The following FIBCD1 variants were observed in gnomAD, a reference collection of about 807,000 sequenced individuals.
FIBCD1 encodes fibrinogen C domain-containing protein 1.
Under a neutral mutation model 45.1 loss-of-function variants are expected in FIBCD1, and 47 were observed. The observed-to-expected ratio is 1.04, with a 90% CI of 0.82 to 1.33. The LOEUF is 1.33. FIBCD1 is among the 40% of genes most tolerant of loss of function. The pLI, the probability that FIBCD1 is intolerant of heterozygous loss-of-function variation, is 0.00. For synonymous variants in FIBCD1, 313 were observed against 308.1 expected (o/e 1.02, Z -0.17); for missense variants, 653 against 682.2 (o/e 0.96, Z 0.48).
At chr9:130,934,843 C>A (rs1475917693) in intron 1 of FIBCD1, among the ~76,000 whole-genome samples, 1 of 152,192 alleles carries the variant, frequency 6.6e-6, no homozygotes, top group Non-Finnish European at 1.5e-5. Flanking sequence ...CATTCTACCT[C>A]CTCAGCCACA....
At chr9:130,912,778 G>A (rs1334702829) in intron 4 of FIBCD1, among the ~76,000 whole-genome samples, 1 of 151,058 alleles carries the variant, frequency 6.6e-6, no homozygotes, top group Non-Finnish European at 1.5e-5. Flanking sequence ...TTTGCTCTGG[G>A]CTTCGGTTTC....
intron 4 of FIBCD1, among the ~76,000 whole-genome samples, chr9:130,912,303 G>A (rs756316154): frequency 1.7e-4 from 26 of 151,646 alleles, no homozygotes; most frequent in Non-Finnish European, 3.4e-4. Context: ...CTACTTGAGA[G>A]GCTGAGGCAG....
At chr9:130,913,553 C>CT (rs1832105228) in intron 4 of FIBCD1, among the ~76,000 whole-genome samples, 1 of 152,234 alleles carries the variant, frequency 6.6e-6, no homozygotes, top group African/African-American at 2.4e-5. Flanking sequence ...GAGATGACAC[C>CT]TCCTTTTTCG....
intron 1 of FIBCD1, among the ~76,000 whole-genome samples, chr9:130,933,039 C>T (rs909940504): frequency 5.3e-5 from 8 of 152,214 alleles, no homozygotes; most frequent in African/African-American, 1.7e-4. Context: ...CTTGCACCCT[C>T]CTCCCACCCA....
At chr9:130,911,704 C>A in intron 5 of FIBCD1, 88 bp downstream of exon 5, 2 of 1,245,622 alleles carry the variant, frequency 1.6e-6, no homozygotes, top group South Asian at 1.3e-5. Flanking sequence ...CCAGCCCAAA[C>A]CCATTCAGGG....
At chr9:130,916,848 A>T (rs935360405) in intron 4 of FIBCD1, among the ~76,000 whole-genome samples, 3 of 152,274 alleles carry the variant, frequency 2.0e-5, no homozygotes, top group South Asian at 2.1e-4. Flanking sequence ...CTGTAATCCC[A>T]GCACTTTGGG....
chr9:130,908,982 A>C (rs1366345891), intron 5 of FIBCD1, among the ~76,000 whole-genome samples: 3 of 151,852 alleles, frequency 2.0e-5, no homozygotes, highest in Non-Finnish European at 4.4e-5. Flanking sequence ...GTGTCACTGA[A>C]CATCCTTACA....
chr9:130,930,970 G>A (rs1292851548), intron 1 of FIBCD1, among the ~76,000 whole-genome samples: 7 of 152,096 alleles, frequency 4.6e-5, no homozygotes, highest in Non-Finnish European at 1.5e-5. Flanking sequence ...GCCACATCCC[G>A]TGTTCTGTCC....
At chr9:130,921,540 G>A (rs1045217125) in intron 4 of FIBCD1, among the ~76,000 whole-genome samples, 7 of 152,206 alleles carry the variant, frequency 4.6e-5, no homozygotes, top group Admixed American at 1.3e-4. Context: ...TTTCCTCATC[G>A]ACTCCCCTCT....
rs764214748 is a variant in FIBCD1 at position 130,904,301 on chromosome 9, G to T, written c.1149C>A (p.Ser383Arg). ...GGTCCTTGGTGGTGAACCTCATGCC[G>T]CTGTGCTTCAGGAGGGAGTCGCCTG... ...GTAGDSLLKH[S>R]GMRFTTKDRD... The change falls in exon 7 of 7, where the codon AGC becomes AGA. Residue 383 changes from serine to arginine, a missense_variant. Physicochemically the swap from Ser to Arg is moderately radical, Grantham distance 110. Coordinates refer to ENST00000372338, the MANE Select transcript of FIBCD1 (RefSeq NM_032843.5). The T allele has an allele frequency of 6.2e-7, 1 of 1,609,612 alleles. No individual in the cohort carries two copies. The highest frequency in any genetic ancestry group is 8.5e-7 in the Non-Finnish European group (1 of 1,176,972).
At position 130,903,694 on chromosome 9, in the gene FIBCD1, A is replaced by T. The variant is rs1002481364; in HGVS notation, c.*370T>A. On this transcript the variant is annotated 3_prime_UTR_variant, in exon 7 of 7. Coordinates refer to ENST00000372338, the MANE Select transcript of FIBCD1 (RefSeq NM_032843.5). The stretch of plus-strand genomic sequence containing the variant: ...TGTCTGCCCCCTGCTCTCTGTCCCC[A>T]TAATGCCGGGTATTTGGCCGGGCAG... The T allele has an allele frequency of 2.0e-4, 80 of 390,872 alleles. No homozygotes were observed. The highest frequency in any genetic ancestry group is 1.1e-3 in the African/African-American group (53 of 48,498). The allele number at this position is 390,872 out of a possible 1,614,324, so 24.2% of individuals were successfully genotyped here. A position where few individuals can be genotyped will look rare whatever the true frequency, so the allele number is the denominator to read the frequency against.
rs1449690328 is a variant in FIBCD1, at chr9:130,904,075, C to T, written c.1375G>A (p.Glu459Lys). 1 of 1,612,634 alleles carries T rather than the reference C, an allele frequency of 6.2e-7. No homozygotes were observed. The highest frequency in any genetic ancestry group is 2.2e-5 in the East Asian group (1 of 44,852). ...FSEMKIRPVR[E>K]DR is the part of the protein sequence containing the mutation. Reference sequence around the variant, plus strand: ...CAAGGTGCACCAGTCTAGCGGTCCTCCCGGACCGGCCGGATCTTCATCTCA... The same window carrying T: ...CAAGGTGCACCAGTCTAGCGGTCCTTCCGGACCGGCCGGATCTTCATCTCA... The change falls in exon 7 of 7, where the codon GAG becomes AAG. Residue 459 changes from glutamate to lysine, a missense_variant. Transcript: ENST00000372338.
chr9:130,912,004 G>A (rs1832062625), intron 4 of FIBCD1, 116 bp from the exon 5 acceptor site: 12 of 891,856 alleles, frequency 1.3e-5, no homozygotes, highest in Admixed American at 8.0e-5. Context: ...TGCCCTCTCG[G>A]GAGGGCAGGG....
intron 4 of FIBCD1, among the ~76,000 whole-genome samples, chr9:130,917,054 C>T (rs1186010360): frequency 1.3e-5 from 2 of 152,190 alleles, no homozygotes; most frequent in Middle Eastern, 6.3e-3. Context: ...GCCAAGATCA[C>T]ACCACTGCAC....
chr9:130,938,576 C>T lies in FIBCD1; in HGVS notation c.32G>A (p.Gly11Asp). 1 of 1,489,224 alleles carries T rather than the reference C, an allele frequency of 6.7e-7. No individual in the cohort carries two copies. The highest frequency in any genetic ancestry group is 8.9e-7 in the Non-Finnish European group (1 of 1,124,686). The allele number at this position is 1,489,224 out of a possible 1,614,324, so 92.3% of individuals were successfully genotyped here. A position where few individuals can be genotyped will look rare whatever the true frequency, so the allele number is the denominator to read the frequency against. The change falls in exon 1 of 7, where the codon GGC becomes GAC. Residue 11 changes from glycine (G) to aspartate (D), a missense_variant. Physicochemically the swap from Gly to Asp is moderately conservative, Grantham distance 94. Transcript: ENST00000372338. Reference sequence around the variant, plus strand: ...CGGCCGGTCCTCAAGTTGGGCAGCGCCGCCCATGGTCTTCCACCGGTCGTT... The same window carrying T: ...CGGCCGGTCCTCAAGTTGGGCAGCGTCGCCCATGGTCTTCCACCGGTCGTT... MVNDRWKTMG[G>D]AAQLEDRPRD... is the part of the protein sequence containing the mutation.
At chr9:130,932,546 T>C (rs1164974136) in intron 1 of FIBCD1, among the ~76,000 whole-genome samples, 1 of 152,182 alleles carries the variant, frequency 6.6e-6, no homozygotes, top group Non-Finnish European at 1.5e-5. Context: ...GCCAGAAGCA[T>C]CTGCTTCCCC....
chr9:130,912,593 G>C (rs952311973), intron 4 of FIBCD1, among the ~76,000 whole-genome samples: 1 of 151,940 alleles, frequency 6.6e-6, no homozygotes, highest in African/African-American at 2.4e-5. Flanking sequence ...TGTAATCCCA[G>C]CTACTGGGGA....
At chr9:130,933,547 C>A (rs1832472167) in intron 1 of FIBCD1, among the ~76,000 whole-genome samples, 1 of 152,218 alleles carries the variant, frequency 6.6e-6, no homozygotes, top group Admixed American at 6.5e-5. Context: ...CCTCGAGTGA[C>A]CCCCAGTGCC....
At chr9:130,928,526 A>G (rs751819817) in intron 2 of FIBCD1, among the ~76,000 whole-genome samples, 11 of 152,260 alleles carry the variant, frequency 7.2e-5, no homozygotes, top group Admixed American at 1.3e-4. Flanking sequence ...CCACCTTCCC[A>G]TCAGTCACCC....
Sources: allele counts gnomAD v4.1 joint callset (sites outside exome capture counted in the v4.1 genomes callset), GRCh38; gene constraint gnomAD v4.1.1; transcripts MANE v1.5; gene names NCBI Gene and HGNC (gene_info 2026-07-23, HGNC 2026-07-21).